DDB2: variants seen among roughly 807,000 people sequenced by gnomAD.
The protein encoded by DDB2 is DNA damage-binding protein 2.
In DDB2, 27 loss-of-function variants were observed where a neutral mutation model predicts 50.5. The ratio of observed to expected loss-of-function variants is 0.53; its 90% confidence interval spans 0.39 to 0.74. DDB2 has a LOEUF of 0.74. DDB2 is among the 30% of genes least tolerant of loss of function. The probability of loss-of-function intolerance (pLI) is 0.00; values close to 1 mark genes in which losing one functional copy is unlikely to be tolerated. For synonymous variants in DDB2, 176 were observed against 205.5 expected, an observed-to-expected ratio of 0.86 and a Z score of 1.23; for missense variants, 424 against 545.6, an observed-to-expected ratio of 0.78 and a Z score of 2.22.
chr11:47,234,807 C>G lies in DDB2; in HGVS notation c.753C>G (p.Asn251Lys), dbSNP rs2135512103. Residue 251 changes from asparagine to lysine, a missense_variant, in exon 6 of 10, where the codon AAC (asparagine) becomes AAG (lysine). Coordinates refer to ENST00000256996, the MANE Select transcript of DDB2 (RefSeq NM_000107.3). Reference sequence around the variant, plus strand: ...AGAAAGTGACGCATGTGGCCCTGAACCCATGCTGTGATTGGTTCCTGGCCA... The same window carrying G: ...AGAAAGTGACGCATGTGGCCCTGAAGCCATGCTGTGATTGGTTCCTGGCCA... The part of the protein sequence containing the change: ...HKKKVTHVAL[N>K]PCCDWFLATA... 1 of 1,614,220 alleles carries G rather than the reference C, an allele frequency of 6.2e-7. No individual in the cohort carries two copies. The highest frequency in any genetic ancestry group is 8.5e-7 in the Non-Finnish European group (1 of 1,180,040).
At chr11:47,233,566 G>A (rs561950347) in intron 4 of DDB2, 1 of 161,338 alleles carries the variant, frequency 6.2e-6, no homozygotes, top group African/African-American at 2.4e-5. Flanking sequence ...AAATTAGCTG[G>A]GCGTGGTGGT....
chr11:47,235,747 C>G (rs765943148), intron 7 of DDB2: 30 of 312,552 alleles, frequency 9.6e-5, no homozygotes, highest in Non-Finnish European at 1.8e-4. Context: ...CACAAACCTT[C>G]ATTTTTTATT....
chr11:47,232,737 G>A lies in DDB2; in HGVS notation c.457-77G>A. 3.2e-6 allele frequency: 5 copies of A among 1,544,572 alleles called. No homozygotes were observed. The South Asian group carries it at 4.5e-5, about 14-fold the overall frequency. On this transcript the variant is annotated intron_variant, in intron 3 of 9. Transcript: ENST00000256996. ...GCTCGAGGGGTGCTTCTGTGACGGC[G>A]CAGCATGTGTGCCCAGGCCTGGTTC...
chr11:47,218,334 G>T (rs1311033959), intron 3 of DDB2, among the ~76,000 whole-genome samples: 1 of 152,210 alleles, frequency 6.6e-6, no homozygotes, highest in Non-Finnish European at 1.5e-5. Flanking sequence ...TATATTTGTT[G>T]AATGAGTGAG....
chr11:47,224,009 G>A (rs1191356643), intron 3 of DDB2, among the ~76,000 whole-genome samples: 2 of 151,708 alleles, frequency 1.3e-5, no homozygotes, highest in African/African-American at 4.8e-5. Flanking sequence ...GCTGAGGTGG[G>A]AGAATTGCTT....
intron 3 of DDB2, among the ~76,000 whole-genome samples, chr11:47,228,645 A>C (rs1400364187): frequency 6.7e-6 from 1 of 149,222 alleles, no homozygotes; most frequent in East Asian, 1.9e-4. Flanking sequence ...TCTGTCTCAA[A>C]AAAAAAAAAA....
At chr11:47,215,779 C>G (rs1953391940) in intron 1 of DDB2, 1 of 259,260 alleles carries the variant, frequency 3.9e-6, no homozygotes, top group South Asian at 4.2e-5. Context: ...AATTGGTTGT[C>G]AAGACGTCGG....
chr11:47,216,789 A>T, intron 2 of DDB2, 69 bp from the exon 3 acceptor site: 1 of 1,485,442 alleles, frequency 6.7e-7, no homozygotes, highest in South Asian at 1.1e-5. Context: ...TCCATGAAGG[A>T]GGCAGAGATT....
rs536651899 is a variant in DDB2, at chr11:47,235,189, C to A, written c.881-81C>A. 9.6e-6 allele frequency: 15 copies of A among 1,563,530 alleles called. No individual in the cohort carries two copies. The South Asian group carries it at 1.3e-4, about 14-fold the overall frequency. ...CTAGAGAGGAGTGGGAGGGAGAGTA[C>A]CCCTGCAGGAGAAGGCCTGCAAGGC... On this transcript the variant is annotated intron_variant, in intron 6 of 9. Coordinates refer to ENST00000256996, the MANE Select transcript of DDB2 (RefSeq NM_000107.3).
intron 7 of DDB2, chr11:47,235,690 C>T (rs1260621230): frequency 1.2e-5 from 6 of 508,790 alleles, no homozygotes; most frequent in African/African-American, 1.2e-4. Context: ...AAGATCCTGA[C>T]CCTCTGTTCT....
chr11:47,234,714 C>T (rs1565156470), intron 5 of DDB2, 42 bp downstream of exon 5: 1 of 1,614,024 alleles, frequency 6.2e-7, no homozygotes, highest in Non-Finnish European at 8.5e-7. Context: ...CTCACCCCCA[C>T]CTCGGTTCTG....
chr11:47,233,124 C>T, intron 4 of DDB2, 165 bp downstream of exon 4: 1 of 844,172 alleles, frequency 1.2e-6, no homozygotes, highest in Non-Finnish European at 2.0e-6. Context: ...CCTTGGCTGC[C>T]CTCACTTTGG....
intron 3 of DDB2, among the ~76,000 whole-genome samples, chr11:47,221,196 A>G (rs138769111): frequency 1.3e-5 from 2 of 152,290 alleles, no homozygotes; most frequent in Non-Finnish European, 2.9e-5. Context: ...TTATCATAAA[A>G]TACAGAGAAA....
At chr11:47,220,909 C>T (rs1434304962) in intron 3 of DDB2, 2 of 152,194 alleles carry the variant, frequency 1.3e-5, no homozygotes, top group African/African-American at 2.4e-5. Flanking sequence ...CCTGTAATCC[C>T]AGCACTTTGG....
Position 47,215,013 on chromosome 11 carries a change from C to G in DDB2, c.-124C>G, listed in dbSNP as rs946552076. The G allele has an allele frequency of 6.8e-7, 1 of 1,467,352 alleles. No homozygotes were observed. Among genetic ancestry groups the G allele is most frequent in the Non-Finnish European group, 9.5e-7 (1 of 1,053,416 alleles). The allele number at this position is 1,467,352 out of a possible 1,614,324, so 90.9% of individuals were successfully genotyped here. ...CTGGGCATGTTTGGCGGGAAGTTGG[C>G]TTAGCTCGGCTACCTGTGGCCCCGC... On this transcript the variant is annotated 5_prime_UTR_variant, in exon 1 of 10. Coordinates refer to ENST00000256996, the MANE Select transcript of DDB2 (RefSeq NM_000107.3).
At position 47,237,903 on chromosome 11, in the gene DDB2, TGTACCCC is replaced by T; in HGVS notation, c.1091_1097del (p.Cys364PhefsTer4). The T allele has an allele frequency of 6.2e-7, 1 of 1,614,152 alleles. No individual in the cohort carries two copies. The highest frequency in any genetic ancestry group is 8.5e-7 in the Non-Finnish European group (1 of 1,180,028). On this transcript the variant is annotated frameshift_variant, in exon 8 of 10. Transcript: ENST00000256996. LOFTEE classifies it high-confidence loss of function. ...ATACCCAGATCCTAATTTCAAAAGT[TGTACCCC>T]TTATGAATTGAGGACGATCGACGTG...
At chr11:47,235,475 G>C in intron 7 of DDB2, 63 bp downstream of exon 7, 6 of 1,557,708 alleles carry the variant, frequency 3.9e-6, no homozygotes, top group Non-Finnish European at 5.2e-6. Flanking sequence ...GAGCAGGTCT[G>C]CCCACAGTGG....
chr11:47,233,341 G>A (rs1172423771), intron 4 of DDB2: 18 of 313,004 alleles, frequency 5.8e-5, no homozygotes, highest in South Asian at 2.2e-4. Flanking sequence ...CTGTTCCTGG[G>A]TGGAAGCTTA....
chr11:47,221,269 G>A (rs1331713675), intron 3 of DDB2, among the ~76,000 whole-genome samples: 1 of 150,948 alleles, frequency 6.6e-6, no homozygotes, highest in East Asian at 1.9e-4. Context: ...CTGTGCATGT[G>A]TACACTATTT....
Sources: allele counts gnomAD v4.1 joint callset (sites outside exome capture counted in the v4.1 genomes callset), GRCh38; gene constraint gnomAD v4.1.1; transcripts MANE v1.5; gene names NCBI Gene and HGNC (gene_info 2026-07-23, HGNC 2026-07-21).